Variants in HDAC4 observed in about 807,000 individuals in gnomAD.
HDAC4 encodes histone deacetylase A.
Under a neutral mutation model 135.1 loss-of-function variants are expected in HDAC4, and 16 were observed. That is an observed-to-expected ratio of 0.12 (90% CI 0.08 to 0.18). HDAC4 has a LOEUF of 0.18. Ranked by LOEUF, HDAC4 falls within the 10% of genes least tolerant of loss-of-function variation. HDAC4 has a pLI of 1.00. For synonymous variants in HDAC4, 685 were observed against 653.4 expected, an observed-to-expected ratio of 1.05 and a Z score of -0.74; for missense variants, 1,143 against 1,511.8, an observed-to-expected ratio of 0.76 and a Z score of 4.05.
Position 239,285,547 on chromosome 2 carries a change from AG to A in HDAC4, c.23-48884del, listed in dbSNP as rs1403156315. On this transcript the variant is annotated intron_variant, in intron 2 of 26. Coordinates refer to ENST00000543185, the MANE Select transcript of HDAC4 (RefSeq NM_001378414.1). The surrounding 1 kb of genome is among the most constrained non-coding windows in gnomAD (Gnocchi z 4.5). ...TGGGGAGAAAACGAAGCTGGGTAAA[AG>A]GGGCTGAGAGAAAGCTGGCCAAAGG... Among the ~76,000 whole-genome samples, 1 of 152,180 alleles carries A rather than the reference AG, an allele frequency of 6.6e-6. No individual in the cohort carries two copies. Among genetic ancestry groups the A allele is most frequent in the Non-Finnish European group, 1.5e-5 (1 of 68,038 alleles).
intron 2 of HDAC4, among the ~76,000 whole-genome samples, chr2:239,254,945 C>A (rs1027993996): frequency 1.3e-5 from 2 of 152,218 alleles, no homozygotes; most frequent in African/African-American, 4.8e-5. Context: ...AATGTTTCAA[C>A]AGCAACAAAA....
At chr2:239,124,065 C>T (rs11682879) in intron 12 of HDAC4, among the ~76,000 whole-genome samples, 15,861 of 152,070 alleles carry the variant, frequency 0.1, 1,077 homozygotes, top group Non-Finnish European at 0.15. Context: ...GAAATGATTC[C>T]GTCTGTCGCC....
chr2:239,150,352 AACAG>A (rs2042034801), intron 7 of HDAC4, among the ~76,000 whole-genome samples: 2 of 151,868 alleles, frequency 1.3e-5, no homozygotes, highest in African/African-American at 4.8e-5. Flanking sequence ...GATACACAGA[AACAG>A]ACACACACAC....
chr2:239,114,382 A>C (rs2038945786), intron 13 of HDAC4, among the ~76,000 whole-genome samples: 1 of 152,198 alleles, frequency 6.6e-6, no homozygotes, highest in Non-Finnish European at 1.5e-5. Context: ...TCCTGCCTAC[A>C]GGGAGGAAGC....
At chr2:239,090,282 A>G (rs1248138602) in intron 17 of HDAC4, among the ~76,000 whole-genome samples, 166 bp from the exon 18 acceptor site, 1 of 152,236 alleles carries the variant, frequency 6.6e-6, no homozygotes, top group Non-Finnish European at 1.5e-5. Flanking sequence ...TCTTTTTAAG[A>G]CATGCCAAAA....
At chr2:239,315,296 C>T (rs955881007) in intron 2 of HDAC4, among the ~76,000 whole-genome samples, 2 of 152,154 alleles carry the variant, frequency 1.3e-5, no homozygotes, top group African/African-American at 4.8e-5. Flanking sequence ...GTTGTCAGCA[C>T]CTCTTGAGGC....
chr2:239,208,632 G>A (rs571829321), intron 3 of HDAC4, among the ~76,000 whole-genome samples: 46 of 152,212 alleles, frequency 3.0e-4, no homozygotes, highest in African/African-American at 1.1e-3. Flanking sequence ...AGACTCCAAG[G>A]CTACAGATAC....
chr2:239,199,013 A>G (rs2045582763), intron 3 of HDAC4, among the ~76,000 whole-genome samples: 1 of 152,226 alleles, frequency 6.6e-6, no homozygotes, highest in Non-Finnish European at 1.5e-5. Context: ...AGTTTCATAA[A>G]CACTTTTAAA....
At chr2:239,134,683 G>A (rs1235185795) in intron 9 of HDAC4, 40 bp from the exon 10 acceptor site, 25 of 1,464,030 alleles carry the variant, frequency 1.7e-5, no homozygotes, top group Middle Eastern at 1.7e-4. Context: ...AGTCTGTCAC[G>A]GCCAAACATC....
At chr2:239,083,416 G>C (rs2035550990) in intron 20 of HDAC4, among the ~76,000 whole-genome samples, 1 of 152,250 alleles carries the variant, frequency 6.6e-6, no homozygotes, top group Admixed American at 6.5e-5. Context: ...CAGCATGGCT[G>C]TCCTGGCTGT....
At chr2:239,145,164 A>C (rs534837799) in intron 7 of HDAC4, among the ~76,000 whole-genome samples, 2 of 152,324 alleles carry the variant, frequency 1.3e-5, no homozygotes, top group Middle Eastern at 6.8e-3. Context: ...AAAGACTGAC[A>C]GGGATGTGAG....
chr2:239,103,267 C>T (rs930193316), intron 15 of HDAC4, among the ~76,000 whole-genome samples: 1 of 152,114 alleles, frequency 6.6e-6, no homozygotes, highest in Non-Finnish European at 1.5e-5. Context: ...CCCTCACGTT[C>T]AAGGGAAACC....
In HDAC4 at chr2:239,324,249, A is replaced by T. The variant is rs768133418; in HGVS notation, c.22+28429T>A. 9.9e-4 allele frequency among the ~76,000 whole-genome samples: 151 copies of T among 152,384 alleles called. 1 individual carries two copies. The highest frequency in any genetic ancestry group is 1.7e-3 in the Non-Finnish European group (114 of 68,044). The stretch of plus-strand genomic sequence containing the variant: ...CAAAGGCAAAAATGTAGCCACAATT[A>T]GCTGAAAGAAACACAGCCCTGAGCC... On this transcript the variant is annotated intron_variant, in intron 2 of 26. Coordinates refer to ENST00000543185, the MANE Select transcript of HDAC4 (RefSeq NM_001378414.1).
intron 15 of HDAC4, among the ~76,000 whole-genome samples, chr2:239,105,820 GCTCGGCCAT>G (rs2038076247): frequency 6.6e-6 from 1 of 152,294 alleles, no homozygotes; most frequent in Admixed American, 6.5e-5. Flanking sequence ...TGGCCCCTCT[GCTCGGCCAT>G]CTCAGGAGGC....
intron 2 of HDAC4, among the ~76,000 whole-genome samples, chr2:239,320,916 A>T (rs887955385): frequency 2.6e-5 from 4 of 152,220 alleles, no homozygotes; most frequent in African/African-American, 9.6e-5. Flanking sequence ...AAACTGAAAT[A>T]ATTATTTTAT....
chr2:239,288,698 AAAC>A (rs2051286813), intron 2 of HDAC4, among the ~76,000 whole-genome samples: 1 of 152,216 alleles, frequency 6.6e-6, no homozygotes, highest in Non-Finnish European at 1.5e-5. Context: ...CAGAAAAACA[AAAC>A]AACTACAATC....
intron 1 of HDAC4, among the ~76,000 whole-genome samples, chr2:239,363,284 A>T (rs189460488): frequency 1.3e-5 from 2 of 152,348 alleles, no homozygotes; most frequent in East Asian, 3.9e-4. Context: ...ATTTTTTTGA[A>T]AACTGACAAT....
intron 3 of HDAC4, among the ~76,000 whole-genome samples, chr2:239,200,515 C>A (rs1447050746): frequency 6.6e-6 from 1 of 152,102 alleles, no homozygotes; most frequent in Non-Finnish European, 1.5e-5. Context: ...TTTTTATATG[C>A]CACTTCTGTT....
intron 2 of HDAC4, among the ~76,000 whole-genome samples, chr2:239,304,778 A>C (rs1410809529): frequency 6.6e-6 from 1 of 152,186 alleles, no homozygotes; most frequent in Non-Finnish European, 1.5e-5. Context: ...CTTAGGAATG[A>C]CACGCTATGG....
Sources: gnomAD v4.1 joint callset for allele counts (sites outside exome capture counted in the v4.1 genomes callset) on GRCh38, gnomAD v4.1.1 for gene constraint, Gnocchi (gnomAD v3.1) non-coding constraint, MANE v1.5 for transcripts, NCBI Gene and HGNC (gene_info 2026-07-23, HGNC 2026-07-21) for gene names.